Variants in ROBO2 observed in about 807,000 individuals in gnomAD.
The protein encoded by ROBO2 is roundabout guidance receptor 2.
ROBO2 carries 53 observed loss-of-function variants against 160.8 expected under a neutral mutation model. The observed-to-expected ratio is 0.33, with a 90% CI of 0.26 to 0.41. The LOEUF (loss-of-function observed/expected upper bound fraction) is 0.41, where lower values mean the gene tolerates loss of function less well. Ranked by LOEUF, ROBO2 falls within the 10% of genes least tolerant of loss-of-function variation. ROBO2 has a pLI of 1.00. For missense variants in ROBO2, 1,577 were observed against 1,722.4 expected (o/e 0.92, Z 1.49); for synonymous variants, 664 against 611.7 (o/e 1.09, Z -1.26).
intron 2 of ROBO2, among the ~76,000 whole-genome samples, chr3:76,799,240 A>G (rs2064013624): frequency 6.6e-6 from 1 of 151,908 alleles, no homozygotes; most frequent in Admixed American, 6.6e-5. Context: ...AAACAAAAAA[A>G]AAACGTATAT....
chr3:77,480,789 T>C lies in ROBO2; in HGVS notation c.547-310T>C, dbSNP rs1452639122. 2.0e-5 allele frequency among the ~76,000 whole-genome samples: 3 copies of C among 152,158 alleles called. No homozygotes were observed. In the East Asian group the frequency reaches 5.8e-4, roughly 29 times the overall value. ...CTGATGACAAATGACAATAGCAATT[T>C]ATTCAAATGAATTTCAGTGTGAAGA... On this transcript the variant is annotated intron_variant, in intron 3 of 25. Coordinates refer to ENST00000461745, the Ensembl canonical transcript of ROBO2.
intron 17 of ROBO2, 111 bp from the exon 19 acceptor site, chr3:77,595,031 A>C: frequency 1.2e-6 from 1 of 821,506 alleles, no homozygotes; most frequent in African/African-American, 1.7e-5. Context: ...ATTTTGTTAA[A>C]ATTCCCAGAG....
At chr3:77,202,073 G>A (rs973630746) in intron 2 of ROBO2, among the ~76,000 whole-genome samples, 1 of 152,034 alleles carries the variant, frequency 6.6e-6, no homozygotes, top group African/African-American at 2.4e-5. Context: ...TTTAATTAAA[G>A]CAATAGCTTT....
chr3:77,162,789 A>T (rs924724016), intron 2 of ROBO2, among the ~76,000 whole-genome samples: 2 of 152,156 alleles, frequency 1.3e-5, no homozygotes, highest in Non-Finnish European at 2.9e-5. Context: ...GACATTCAGA[A>T]TCCTGCAGTT....
At chr3:76,560,859 C>T (rs1453514205) in intron 2 of ROBO2, among the ~76,000 whole-genome samples, 1 of 148,314 alleles carries the variant, frequency 6.7e-6, no homozygotes, top group Non-Finnish European at 1.5e-5. Flanking sequence ...AGTTGTTTGA[C>T]ATTATGGGGG....
intron 2 of ROBO2, among the ~76,000 whole-genome samples, chr3:76,606,662 T>A (rs1265584994): frequency 6.6e-6 from 1 of 152,100 alleles, no homozygotes; most frequent in Non-Finnish European, 1.5e-5. Context: ...TTTGTCTCCA[T>A]CTCTGTGTCT....
chr3:77,050,977 CACTGCAT>C (rs1246009660), intron 1 of ROBO2, among the ~76,000 whole-genome samples: 4 of 149,678 alleles, frequency 2.7e-5, no homozygotes, highest in Non-Finnish European at 5.9e-5. Context: ...GTGAGTACAC[CACTGCAT>C]TCCAGCCAGG....
rs60525375 is a variant in ROBO2 at position 75,928,861 on chromosome 3, CGTGTGTGTGT to C, written c.-13-8588_-13-8579del. 4.6e-3 allele frequency among the ~76,000 whole-genome samples: 499 copies of C among 109,094 alleles called. 8 individuals carry two copies. Among genetic ancestry groups the C allele is most frequent in the African/African-American group, 0.015 (404 of 26,360 alleles). 71.6% of individuals were successfully genotyped at this position (109,094 alleles called of 152,430 possible). A position where few individuals can be genotyped will look rare whatever the true frequency, so the allele number is the denominator to read the frequency against. ...ACATGAGATCTGCAGCTGGATAAGA[CGTGTGTGTGT>C]GTGTGTGTGTGTGTGTGTGTGTGTG... On this transcript the variant is annotated intron_variant, in intron 1 of 26. Transcript: ENST00000487694.
Position 76,505,369 on chromosome 3 carries a change from TAA to T in ROBO2, c.109+567779_109+567780del, listed in dbSNP as rs58777126. Among the ~76,000 whole-genome samples, 1,050 of 149,322 alleles carry T rather than the reference TAA, an allele frequency of 7.0e-3. 10 individuals are homozygous for T. The highest frequency in any genetic ancestry group is 0.023 in the African/African-American group (919 of 40,744). On this transcript the variant is annotated intron_variant, in intron 2 of 26. Transcript: ENST00000487694. ...TAGCAGCTAAAGATAGTTCAGCATT[TAA>T]AAAAAAAAAAATGCTATTAGTATGT...
At chr3:77,473,917 C>T (rs1483256245) in intron 2 of ROBO2, among the ~76,000 whole-genome samples, 2 of 152,134 alleles carry the variant, frequency 1.3e-5, no homozygotes, top group African/African-American at 4.8e-5. Context: ...ATCTCTCTGA[C>T]CTTCCTTCCT....
At chr3:76,612,128 G>A (rs2088177209) in intron 2 of ROBO2, among the ~76,000 whole-genome samples, 1 of 152,162 alleles carries the variant, frequency 6.6e-6, no homozygotes, top group African/African-American at 2.4e-5. Flanking sequence ...TACCTGATAT[G>A]ATTTCAGTAG....
At chr3:76,063,180 G>A (rs201900353) in intron 2 of ROBO2, among the ~76,000 whole-genome samples, 2 of 152,098 alleles carry the variant, frequency 1.3e-5, no homozygotes, top group Non-Finnish European at 2.9e-5. Context: ...ACCGTATCTG[G>A]CAGCTATGCA....
intron 2 of ROBO2, among the ~76,000 whole-genome samples, chr3:77,130,370 A>C (rs2075743372): frequency 6.6e-6 from 1 of 152,240 alleles, no homozygotes; most frequent in South Asian, 2.1e-4. Flanking sequence ...AAGTCACTTG[A>C]ATTTGCTTTT....
intron 2 of ROBO2, among the ~76,000 whole-genome samples, chr3:76,550,253 T>G (rs2083336463): frequency 6.6e-6 from 1 of 152,210 alleles, no homozygotes; most frequent in African/African-American, 2.4e-5. Flanking sequence ...ATATACATAA[T>G]TTAAGAATTC....
intron 2 of ROBO2, among the ~76,000 whole-genome samples, chr3:76,821,626 C>T (rs1394675596): frequency 1.3e-5 from 2 of 151,834 alleles, no homozygotes; most frequent in African/African-American, 2.4e-5. Flanking sequence ...CCATGCCTGG[C>T]ATGTAACAAA....
intron 2 of ROBO2, among the ~76,000 whole-genome samples, chr3:76,475,642 G>A (rs985785411): frequency 1.3e-5 from 2 of 151,950 alleles, no homozygotes; most frequent in Admixed American, 1.3e-4. Context: ...ACTAGTATTC[G>A]TAAAATACCT....
chr3:76,483,397 T>G (rs1026983749), intron 2 of ROBO2, among the ~76,000 whole-genome samples: 1 of 152,006 alleles, frequency 6.6e-6, no homozygotes, highest in Non-Finnish European at 1.5e-5. Flanking sequence ...ATGCTGAGGT[T>G]TGGGGTGTGA....
At chr3:76,179,831 G>T (rs947365669) in intron 2 of ROBO2, among the ~76,000 whole-genome samples, 8 of 152,048 alleles carry the variant, frequency 5.3e-5, no homozygotes, top group African/African-American at 1.7e-4. Flanking sequence ...TTGATGGAAG[G>T]GGGGTTGGTA....
intron 1 of ROBO2, among the ~76,000 whole-genome samples, chr3:77,059,644 C>A (rs556482485): frequency 6.6e-6 from 1 of 152,166 alleles, no homozygotes; most frequent in Non-Finnish European, 1.5e-5. Flanking sequence ...GCCAGAGACA[C>A]CCCAGTTTAA....
Sources: gnomAD v4.1 joint callset for allele counts (sites outside exome capture counted in the v4.1 genomes callset) on GRCh38, gnomAD v4.1.1 for gene constraint, MANE v1.5 for transcripts, NCBI Gene and HGNC (gene_info 2026-07-23, HGNC 2026-07-21) for gene names.